SLC20A2: variants seen among roughly 807,000 people sequenced by gnomAD.
The protein encoded by SLC20A2 is solute carrier family 20 member 2.
A neutral mutation model predicts 61.0 loss-of-function variants in SLC20A2; 30 were observed. The observed-to-expected ratio is 0.49, with a 90% CI of 0.37 to 0.67. The LOEUF (loss-of-function observed/expected upper bound fraction) is 0.67, where lower values mean the gene tolerates loss of function less well. Among genes scored for constraint, SLC20A2 ranks in the 30% least tolerant of loss-of-function variants. SLC20A2 has a pLI of 0.00. For synonymous variants in SLC20A2, 351 were observed against 353.3 expected (o/e 0.99, Z 0.07); for missense variants, 626 against 866.4 (o/e 0.72, Z 3.48).
chr8:42,467,992 T>A (rs190501476), intron 2 of SLC20A2, among the ~76,000 whole-genome samples: 198 of 151,846 alleles, frequency 1.3e-3, no homozygotes, highest in African/African-American at 4.7e-3. Flanking sequence ...AAGCTCTGCC[T>A]CCTGGGTTCA....
chr8:42,477,419 C>A (rs1332102052), intron 1 of SLC20A2, among the ~76,000 whole-genome samples: 1 of 151,192 alleles, frequency 6.6e-6, no homozygotes, highest in Non-Finnish European at 1.5e-5. Flanking sequence ...CAGACACTGA[C>A]CTTGTTTTTG....
intron 5 of SLC20A2, among the ~76,000 whole-genome samples, chr8:42,447,507 C>T (rs1449204692): frequency 4.0e-5 from 6 of 151,638 alleles, no homozygotes; most frequent in African/African-American, 1.5e-4. Flanking sequence ...GAAACCCCGT[C>T]TCTACTAAAA....
At position 42,426,693 on chromosome 8, in the gene SLC20A2, AAAAAC is replaced by A. The variant is rs141880455; in HGVS notation, c.1794+2060_1794+2064del. On this transcript the variant is annotated intron_variant, in intron 10 of 10. Coordinates refer to ENST00000520262, the MANE Select transcript of SLC20A2 (RefSeq NM_001257180.2). Reference sequence around the variant, plus strand: ...CTGGATGAGAGTGAGACTCCATCTCAAAAACAAAACAAAACAAAACAAAACAAAAC... The same window carrying A: ...CTGGATGAGAGTGAGACTCCATCTCAAAAACAAAACAAAACAAAACAAAAC... Among the ~76,000 whole-genome samples the A allele has an allele frequency of 5.5e-3, 832 of 151,752 alleles. 4 individuals are homozygous for A. The highest frequency in any genetic ancestry group is 0.011 in the African/African-American group (471 of 41,432).
At position 42,437,364 on chromosome 8, in the gene SLC20A2, T is replaced by A; in HGVS notation, c.1148A>T (p.Asn383Ile). The A allele has an allele frequency of 6.2e-7, 1 of 1,614,126 alleles. No individual in the cohort carries two copies. Among genetic ancestry groups the A allele is most frequent in the Non-Finnish European group, 8.5e-7 (1 of 1,180,012 alleles). The stretch of plus-strand genomic sequence containing the variant: ...TGCGGTGTAGCAGGTGTAACTGTTG[T>A]TTCGGCGCAGCAGCCGGTAGTTGCT... ...QESNYRLLRR[N>I]NSYTCYTAAI... The change falls in exon 8 of 11, where the codon AAC becomes ATC. Residue 383 changes from asparagine to isoleucine, a missense_variant. Asn to Ile is a moderately radical substitution (Grantham distance 149). Coordinates refer to ENST00000520262, the MANE Select transcript of SLC20A2 (RefSeq NM_001257180.2). The surrounding 1 kb of genome is among the most constrained non-coding windows in gnomAD (Gnocchi z 6.4).
chr8:42,506,434 C>T (rs1030732063), intron 1 of SLC20A2, among the ~76,000 whole-genome samples: 4 of 152,208 alleles, frequency 2.6e-5, no homozygotes, highest in Non-Finnish European at 4.4e-5. Flanking sequence ...GTATCTAGCA[C>T]AGGCACACAA....
At chr8:42,456,731 CAAA>C (rs986357542) in intron 5 of SLC20A2, among the ~76,000 whole-genome samples, 3 of 58,550 alleles carry the variant, frequency 5.1e-5, no homozygotes, top group African/African-American at 6.8e-5. Context: ...GACTCTGTCT[CAAA>C]AAAAAAAAAA....
At chr8:42,523,674 T>C (rs1811742026) in intron 1 of SLC20A2, among the ~76,000 whole-genome samples, 1 of 152,254 alleles carries the variant, frequency 6.6e-6, no homozygotes, top group East Asian at 1.9e-4. Flanking sequence ...ATCAGGGGTA[T>C]TCTTTCCTCT....
At chr8:42,423,333 CTTTT>C (rs58667229) in intron 10 of SLC20A2, among the ~76,000 whole-genome samples, 1 of 146,102 alleles carries the variant, frequency 6.8e-6, no homozygotes, top group Admixed American at 6.9e-5. Context: ...TATCTTTAAA[CTTTT>C]TTTTTTTTTA....
chr8:42,529,026 G>A (rs1812165898), intron 1 of SLC20A2, among the ~76,000 whole-genome samples: 1 of 151,800 alleles, frequency 6.6e-6, no homozygotes, highest in Non-Finnish European at 1.5e-5. Flanking sequence ...ACAGGCTGGA[G>A]TGCAGTGGCG....
At chr8:42,534,269 T>G (rs573959462) in intron 1 of SLC20A2, among the ~76,000 whole-genome samples, 1 of 152,134 alleles carries the variant, frequency 6.6e-6, no homozygotes, top group African/African-American at 2.4e-5. Context: ...GGCGACAGAA[T>G]GAGACTCTGT....
chr8:42,483,002 T>C (rs535467802), intron 1 of SLC20A2, among the ~76,000 whole-genome samples: 1 of 151,564 alleles, frequency 6.6e-6, no homozygotes, highest in East Asian at 1.9e-4. Flanking sequence ...GCTGAGATTG[T>C]GCCATTGCAC....
chr8:42,533,378 G>A (rs1197130500), intron 1 of SLC20A2, among the ~76,000 whole-genome samples: 3 of 152,110 alleles, frequency 2.0e-5, no homozygotes, highest in African/African-American at 7.2e-5. Context: ...CACTTTGGGA[G>A]GCCCAGGCAG....
At chr8:42,458,968 C>A (rs764459239) in intron 5 of SLC20A2, among the ~76,000 whole-genome samples, 1 of 116,054 alleles carries the variant, frequency 8.6e-6, no homozygotes, top group Non-Finnish European at 1.7e-5. Context: ...AACCTCTGAA[C>A]CTTTATACAA....
chr8:42,442,280 C>T (rs1245102016), intron 6 of SLC20A2, among the ~76,000 whole-genome samples: 2 of 151,780 alleles, frequency 1.3e-5, no homozygotes, highest in South Asian at 4.2e-4. Context: ...ATCTAAAAAC[C>T]CTTTCTCAAC....
chr8:42,430,327 T>A (rs1803752382), intron 8 of SLC20A2, 78 bp from the exon 9 acceptor site: 1 of 1,216,918 alleles, frequency 8.2e-7, no homozygotes, highest in African/African-American at 1.5e-5. Context: ...TTTGTTTTAT[T>A]GTGCTTCACT....
At chr8:42,513,386 T>C (rs1305803296) in intron 1 of SLC20A2, among the ~76,000 whole-genome samples, 1 of 152,226 alleles carries the variant, frequency 6.6e-6, no homozygotes, top group Non-Finnish European at 1.5e-5. Context: ...ACATATGACA[T>C]GACTTTATGC....
intron 1 of SLC20A2, among the ~76,000 whole-genome samples, chr8:42,488,227 C>T (rs1292894952): frequency 6.9e-6 from 1 of 144,056 alleles, no homozygotes; most frequent in African/African-American, 2.6e-5. Flanking sequence ...CCTTTGTGGC[C>T]CAGGCTGGAG....
Position 42,418,802 on chromosome 8 carries a change from T to TC in SLC20A2, c.1795-836dup, listed in dbSNP as rs533363903. On this transcript the variant is annotated intron_variant, in intron 10 of 10. Coordinates refer to ENST00000520262, the MANE Select transcript of SLC20A2 (RefSeq NM_001257180.2). Reference sequence around the variant, plus strand: ...TCACGAGGTCAGGAGATGGAGACCATCCTGGCTAACACGGTGAAACCCCGT... The same window carrying TC: ...TCACGAGGTCAGGAGATGGAGACCATCCCTGGCTAACACGGTGAAACCCCGT... Among the ~76,000 whole-genome samples, 18 of 151,804 alleles carry TC rather than the reference T, an allele frequency of 1.2e-4. No individual in the cohort carries two copies. The South Asian group carries it at 3.7e-3, about 32-fold the overall frequency.
chr8:42,437,413 G>T lies in SLC20A2; in HGVS notation c.1099C>A (p.Pro367Thr). 2 of 1,614,152 alleles carry T rather than the reference G, an allele frequency of 1.2e-6. No individual in the cohort carries two copies. The highest frequency in any genetic ancestry group is 1.7e-6 in the Non-Finnish European group (2 of 1,180,036). The change falls in exon 8 of 11, where the codon CCC (proline) becomes ACC (threonine). Residue 367 changes from proline (P) to threonine (T), a missense_variant. Pro to Thr is a conservative substitution (Grantham distance 38, BLOSUM62 -1). Around this residue, in one of 3 missense-constraint regions of SLC20A2, gnomAD observed 361 missense variants for 422.3 expected, o/e 0.85. Transcript: ENST00000520262. The surrounding 1 kb of genome is among the most constrained non-coding windows in gnomAD (Gnocchi z 6.4). ...LLHKIHIDRGPEEKPAQESNY... is the reference protein window; with the variant it reads ...LLHKIHIDRGTEEKPAQESNY... The stretch of plus-strand genomic sequence containing the variant: ...CTTTCCTGGGCTGGCTTCTCCTCGG[G>T]GCCCCTGTCGATGTGGATTTTGTGC...
Sources: allele counts gnomAD v4.1 joint callset (sites outside exome capture counted in the v4.1 genomes callset), GRCh38; gene constraint gnomAD v4.1.1; regional missense constraint gnomAD v4.1.1; non-coding constraint Gnocchi (gnomAD v3.1); transcripts MANE v1.5; gene names NCBI Gene and HGNC (gene_info 2026-07-23, HGNC 2026-07-21).